The following TRMT10B variants were observed in gnomAD, a reference collection of about 807,000 sequenced individuals.
TRMT10B encodes the protein tRNA methyltransferase 10B, also known as tRNA methyltransferase 10 homolog B.
In TRMT10B, 33 loss-of-function variants were observed where a neutral mutation model predicts 43.8. The ratio of observed to expected loss-of-function variants is 0.75; its 90% CI spans 0.57 to 1.01. TRMT10B has a LOEUF of 1.01. Among genes scored for constraint, TRMT10B ranks in the 50% least tolerant of loss-of-function variants. The pLI is 0.00. For missense variants in TRMT10B, 362 were observed against 369.8 expected (o/e 0.98, Z 0.17); for synonymous variants, 137 against 130.6 (o/e 1.05, Z -0.34).
chr9:37,754,660 G>A (rs1406219608), intron 1 of TRMT10B, among the ~76,000 whole-genome samples: 1 of 152,164 alleles, frequency 6.6e-6, no homozygotes, highest in East Asian at 1.9e-4. Flanking sequence ...GGCAGGGTCA[G>A]ATAATTGGAG....
At chr9:37,756,792 ATGTG>A (rs1374695450) in intron 1 of TRMT10B, among the ~76,000 whole-genome samples, 1 of 133,116 alleles carries the variant, frequency 7.5e-6, no homozygotes, top group African/African-American at 2.8e-5. Flanking sequence ...GTATACATAC[ATGTG>A]TATGTGTATA....
At chr9:37,770,889 G>C in intron 7 of TRMT10B, 150 bp downstream of exon 7, 1 of 688,626 alleles carries the variant, frequency 1.5e-6, no homozygotes, top group Non-Finnish European at 2.3e-6. Context: ...CCCTCTGGCT[G>C]GTGAAGTTCC....
intron 7 of TRMT10B, among the ~76,000 whole-genome samples, chr9:37,774,696 C>T (rs537569214): frequency 6.6e-6 from 1 of 152,268 alleles, no homozygotes; most frequent in African/African-American, 2.4e-5. Flanking sequence ...TCAAATAAGT[C>T]CCTGTATCGC....
At chr9:37,753,200 C>G (rs533223013), upstream of TRMT10B, among the ~76,000 whole-genome samples, 2 of 152,316 alleles carry the variant, frequency 1.3e-5, no homozygotes, top group South Asian at 4.1e-4. Flanking sequence ...GACACGCAGT[C>G]TTTAAGAATT....
chr9:37,761,851 A>T, intron 1 of TRMT10B, 52 bp from the exon 2 acceptor site: 1 of 1,281,050 alleles, frequency 7.8e-7, no homozygotes, highest in Non-Finnish European at 1.1e-6. Context: ...GTAGGGAGAT[A>T]CCTATGTTAG....
At chr9:37,757,169 G>T (rs1440897840) in intron 1 of TRMT10B, among the ~76,000 whole-genome samples, 2 of 152,156 alleles carry the variant, frequency 1.3e-5, no homozygotes, top group Non-Finnish European at 1.5e-5. Flanking sequence ...CTGGAGCCTT[G>T]ATCTCCTGGG....
rs533948383 is a variant in TRMT10B, at chr9:37,769,679, C to T, written c.574-262C>T. On this transcript the variant is annotated intron_variant, in intron 5 of 8. Coordinates refer to ENST00000297994, the MANE Select transcript of TRMT10B (RefSeq NM_144964.4). ...GTGGCATGATCTTGGCTCTCTGCAA[C>T]CTCTGCCTCCTGGGCTCAAGCCATC... is the stretch of plus-strand genomic sequence containing the variant. 115 of 412,236 alleles carry T rather than the reference C, an allele frequency of 2.8e-4. 1 individual carries two copies. Among genetic ancestry groups the T allele is most frequent in the African/African-American group, 2.1e-3 (105 of 49,622 alleles). 25.5% of individuals were successfully genotyped at this position (412,236 alleles called of 1,614,324 possible).
Position 37,762,231 on chromosome 9 carries a change from T to G in TRMT10B, c.186+114T>G, listed in dbSNP as rs1826425786. On this transcript the variant is annotated intron_variant, in intron 2 of 8. Coordinates refer to ENST00000297994, the MANE Select transcript of TRMT10B (RefSeq NM_144964.4). The stretch of plus-strand genomic sequence containing the variant: ...AGAGAGACGGAATGAGTTTTGTGTA[T>G]TCTGAGTGATGAATTTTCTGCTAAC... 3 of 1,199,066 alleles carry G rather than the reference T, an allele frequency of 2.5e-6. No homozygotes were observed. The African/African-American group carries it at 4.6e-5, about 18-fold the overall frequency. 74.3% of individuals were successfully genotyped at this position (1,199,066 alleles called of 1,614,324 possible). A position where few individuals can be genotyped will look rare whatever the true frequency, so the allele number is the denominator to read the frequency against.
Position 37,762,698 on chromosome 9 carries a change from G to T in TRMT10B, c.295+13G>T, listed in dbSNP as rs1260276411. ...GCAGAAAATCCAGGTGACAATAAAT[G>T]AGACTGTTGGTATAATAATATTTAT... On this transcript the variant is annotated intron_variant, in intron 3 of 8. Transcript: ENST00000297994. 6.4e-7 allele frequency: 1 copy of T among 1,562,180 alleles called. No individual in the cohort carries two copies. Among genetic ancestry groups the T allele is most frequent in the Admixed American group, 1.9e-5 (1 of 51,370 alleles).
intron 6 of TRMT10B, 53 bp downstream of exon 6, chr9:37,770,072 A>C: frequency 6.7e-7 from 1 of 1,492,580 alleles, no homozygotes; most frequent in Non-Finnish European, 9.3e-7. Flanking sequence ...GTGTTTCATT[A>C]TTCCCTGTGG....
chr9:37,770,748 A>G lies in TRMT10B; in HGVS notation c.720+9A>G. The G allele has an allele frequency of 6.2e-7, 1 of 1,613,478 alleles. No homozygotes were observed. The highest frequency in any genetic ancestry group is 8.5e-7 in the Non-Finnish European group (1 of 1,179,860). ...ATGAAAGCATTCAGAAGGTAAGTAT[A>G]CATTTCAGCCCCAACATCTGTTTTA... On this transcript the variant is annotated intron_variant, in intron 7 of 8. Transcript: ENST00000297994.
At chr9:37,766,089 C>T (rs897806067) in intron 4 of TRMT10B, among the ~76,000 whole-genome samples, 3 of 152,112 alleles carry the variant, frequency 2.0e-5, no homozygotes, top group African/African-American at 7.2e-5. Context: ...TGAATTAGAT[C>T]CCATTTGTCA....
At chr9:37,763,190 T>C (rs1308545989) in intron 3 of TRMT10B, among the ~76,000 whole-genome samples, 4 of 151,336 alleles carry the variant, frequency 2.6e-5, no homozygotes, top group African/African-American at 9.7e-5. Flanking sequence ...TAAGGCTGCT[T>C]TTCAAATATA....
intron 7 of TRMT10B, among the ~76,000 whole-genome samples, chr9:37,775,975 A>ACT (rs1191866256): frequency 1.3e-5 from 2 of 152,162 alleles, no homozygotes; most frequent in African/African-American, 4.8e-5. Context: ...ATTGGGTCTT[A>ACT]CTGAGTTAGG....
In TRMT10B at chr9:37,776,159, T is replaced by C; in HGVS notation, c.721-123T>C. ...ATTGTCACATAAGCTCTTGAGACAG[T>C]TAACTCATTATCTGCAGTTTCTTCC... On this transcript the variant is annotated intron_variant, in intron 7 of 8. Coordinates refer to ENST00000297994, the MANE Select transcript of TRMT10B (RefSeq NM_144964.4). The C allele has an allele frequency of 1.2e-5, 10 of 843,600 alleles. No individual in the cohort carries two copies. The South Asian group carries it at 3.1e-4, about 26-fold the overall frequency. The allele number at this position is 843,600 out of a possible 1,614,324, so 52.3% of individuals were successfully genotyped here. A position where few individuals can be genotyped will look rare whatever the true frequency, so the allele number is the denominator to read the frequency against.
In TRMT10B at chr9:37,762,027, TC is replaced by T; in HGVS notation, c.98del (p.Pro33LeufsTer43). On this transcript the variant is annotated frameshift_variant, in exon 2 of 9. Coordinates refer to ENST00000297994, the MANE Select transcript of TRMT10B (RefSeq NM_144964.4). LOFTEE classifies it high-confidence loss of function. ...ILEETGEDGL[P>X]EGFQLLQIDA... The stretch of plus-strand genomic sequence containing the variant: ...TAGAGGAGACAGGTGAAGATGGACT[TC>T]CTGAAGGCTTCCAGCTTCTGCAGAT... The T allele has an allele frequency of 6.2e-7, 1 of 1,614,040 alleles. No homozygotes were observed. Among genetic ancestry groups the T allele is most frequent in the Non-Finnish European group, 8.5e-7 (1 of 1,180,004 alleles).
intron 2 of TRMT10B, 100 bp downstream of exon 2, chr9:37,762,217 A>C: frequency 1.5e-6 from 2 of 1,305,740 alleles, no homozygotes; most frequent in Non-Finnish European, 2.1e-6. Context: ...GAGAGACGGA[A>C]TGAGTTTTGT....
chr9:37,774,004 G>A (rs975959209), intron 7 of TRMT10B, among the ~76,000 whole-genome samples: 1 of 150,464 alleles, frequency 6.6e-6, no homozygotes, highest in Non-Finnish European at 1.5e-5. Context: ...AAGTTTATTA[G>A]TCTTACCTGC....
intron 5 of TRMT10B, chr9:37,769,619 T>G (rs1014506996): frequency 9.0e-4 from 123 of 136,662 alleles, no homozygotes; most frequent in African/African-American, 2.0e-3. Context: ...TTGAGCGGGG[T>G]TTTTTTTTTT....
Sources: allele counts gnomAD v4.1 joint callset (sites outside exome capture counted in the v4.1 genomes callset), GRCh38; gene constraint gnomAD v4.1.1; transcripts MANE v1.5; gene names NCBI Gene and HGNC (gene_info 2026-07-23, HGNC 2026-07-21).